The following PPFIA2 variants were observed in gnomAD, a reference collection of about 807,000 sequenced individuals.
PPFIA2 encodes liprin-alpha-2.
In PPFIA2, 46 loss-of-function variants were observed where a neutral mutation model predicts 175.5. The observed-to-expected ratio is 0.26, with a 90% CI of 0.21 to 0.34. The LOEUF (loss-of-function observed/expected upper bound fraction) is 0.34. Ranked by LOEUF, PPFIA2 falls within the 10% of genes least tolerant of loss-of-function variation. PPFIA2 has a pLI of 1.00. For missense variants in PPFIA2, 1,179 were observed against 1,506.1 expected (o/e 0.78, Z 3.60); for synonymous variants, 568 against 511.4 (o/e 1.11, Z -1.49).
At chr12:81,705,456 C>CAAAAAA (rs58602688) in intron 3 of PPFIA2, among the ~76,000 whole-genome samples, 3 of 55,630 alleles carry the variant, frequency 5.4e-5, no homozygotes, top group South Asian at 6.4e-4. Flanking sequence ...GACTAGGTCT[C>CAAAAAA]AAAAAAAAAA....
intron 4 of PPFIA2, among the ~76,000 whole-genome samples, chr12:81,531,811 A>C (rs978852207): frequency 6.6e-6 from 1 of 151,792 alleles, no homozygotes; most frequent in Non-Finnish European, 1.5e-5. Context: ...GACTGGAGGC[A>C]AAGAGATGAA....
intron 29 of PPFIA2, chr12:81,267,395 C>A (rs1359701816): frequency 9.1e-6 from 3 of 328,678 alleles, no homozygotes; most frequent in Admixed American, 4.6e-5. Flanking sequence ...TCAAACCTGG[C>A]CAATGATTAT....
At chr12:81,757,712 T>C (rs1240623224) in intron 2 of PPFIA2, among the ~76,000 whole-genome samples, 1 of 152,242 alleles carries the variant, frequency 6.6e-6, no homozygotes, top group Non-Finnish European at 1.5e-5. Flanking sequence ...AGATCCAATG[T>C]GTTCCTTAAC....
At chr12:81,650,935 G>A (rs1339807432) in intron 4 of PPFIA2, among the ~76,000 whole-genome samples, 7 of 152,140 alleles carry the variant, frequency 4.6e-5, no homozygotes, top group Non-Finnish European at 7.4e-5. Context: ...TAAATTCTAC[G>A]GAGAGGGCAA....
chr12:81,635,142 T>C (rs1339057575), intron 4 of PPFIA2, among the ~76,000 whole-genome samples: 1 of 152,214 alleles, frequency 6.6e-6, no homozygotes, highest in Non-Finnish European at 1.5e-5. Context: ...AATGTCCCCT[T>C]TCCTTCTAGA....
Position 81,661,992 on chromosome 12 carries a change from C to T in PPFIA2, c.303+14799G>A, listed in dbSNP as rs534967780. Among the ~76,000 whole-genome samples, 916 of 152,128 alleles carry T rather than the reference C, an allele frequency of 6.0e-3. 4 individuals carry two copies. The highest frequency in any genetic ancestry group is 0.01 in the Non-Finnish European group (680 of 67,986). On this transcript the variant is annotated intron_variant, in intron 4 of 32. Coordinates refer to ENST00000549396, the MANE Select transcript of PPFIA2 (RefSeq NM_003625.5). ...TGAAGGCACAAATAAAGATGTTCTT[C>T]GAAACCAACGAGAACAAAGACACAA...
At chr12:81,586,822 T>G (rs982056952) in intron 4 of PPFIA2, among the ~76,000 whole-genome samples, 1 of 151,888 alleles carries the variant, frequency 6.6e-6, no homozygotes, top group Non-Finnish European at 1.5e-5. Flanking sequence ...AACATTACAT[T>G]TCTCTAAATT....
At chr12:81,504,694 G>A (rs997781460) in intron 4 of PPFIA2, among the ~76,000 whole-genome samples, 4 of 152,082 alleles carry the variant, frequency 2.6e-5, no homozygotes. Context: ...CACATGTACA[G>A]CTATGTTTAT....
chr12:81,519,973 T>C (rs1280926898), intron 4 of PPFIA2, among the ~76,000 whole-genome samples: 8 of 152,206 alleles, frequency 5.3e-5, no homozygotes, highest in Non-Finnish European at 1.0e-4. Flanking sequence ...TATAACAACA[T>C]ACTCTAATAA....
chr12:81,600,712 ATC>A, intron 4 of PPFIA2, among the ~76,000 whole-genome samples: 1 of 152,072 alleles, frequency 6.6e-6, no homozygotes, highest in East Asian at 1.9e-4. Context: ...ACGTGTTAGG[ATC>A]TTACTTCCTC....
At chr12:81,340,542 T>G (rs1392663088) in intron 20 of PPFIA2, among the ~76,000 whole-genome samples, 1 of 152,106 alleles carries the variant, frequency 6.6e-6, no homozygotes, top group Non-Finnish European at 1.5e-5. Flanking sequence ...AAATGACATA[T>G]TTCTCCATCT....
rs118109827 is a variant in PPFIA2 at position 81,463,187 on chromosome 12, T to C, written c.304-5321A>G. Among the ~76,000 whole-genome samples the C allele has an allele frequency of 3.3e-3, 509 of 152,024 alleles. 3 individuals are homozygous for C. The highest frequency in any genetic ancestry group is 5.7e-3 in the Non-Finnish European group (386 of 67,902). ...CAGGTTAGATCTTTGTACAGCAACATGGAAAGATTTCAAAAATATAATTTT... is the reference window on the plus strand; with the variant it reads ...CAGGTTAGATCTTTGTACAGCAACACGGAAAGATTTCAAAAATATAATTTT... On this transcript the variant is annotated intron_variant, in intron 4 of 32. Coordinates refer to ENST00000549396, the MANE Select transcript of PPFIA2 (RefSeq NM_003625.5).
intron 4 of PPFIA2, among the ~76,000 whole-genome samples, chr12:81,576,804 T>C (rs2073636531): frequency 6.6e-6 from 1 of 151,828 alleles, no homozygotes; most frequent in Non-Finnish European, 1.5e-5. Context: ...AAACAAGTTA[T>C]TCAACTAGTA....
chr12:81,684,953 A>G (rs1038201139), intron 3 of PPFIA2, among the ~76,000 whole-genome samples: 1 of 152,098 alleles, frequency 6.6e-6, no homozygotes, highest in Non-Finnish European at 1.5e-5. Context: ...CAATGCTTCC[A>G]ATTAAAGGTC....
chr12:81,504,788 T>C (rs924099376), intron 4 of PPFIA2, among the ~76,000 whole-genome samples: 1 of 152,142 alleles, frequency 6.6e-6, no homozygotes, highest in Non-Finnish European at 1.5e-5. Flanking sequence ...ATGTGGCACA[T>C]ATATACCATG....
chr12:81,440,011 G>C lies in PPFIA2; in HGVS notation c.606C>G (p.Val202=). 1.2e-6 allele frequency: 2 copies of C among 1,602,002 alleles called. No individual in the cohort carries two copies. The highest frequency in any genetic ancestry group is 1.7e-6 in the Non-Finnish European group (2 of 1,175,604). Residue 202 remains valine, a synonymous_variant, in exon 7 of 33, where the codon GTC becomes GTG. Coordinates refer to ENST00000549396, the MANE Select transcript of PPFIA2 (RefSeq NM_003625.5). ...RERLRVSLER[V]SALEEELAAA... is the part of the protein sequence containing the mutation. ...CAGCTAGTTCTTCTTCCAGTGCAGA[G>C]ACTCTTTCTAAAGAAACCCTCAGTC...
At chr12:81,546,664 G>T (rs931424422) in intron 4 of PPFIA2, among the ~76,000 whole-genome samples, 1 of 151,558 alleles carries the variant, frequency 6.6e-6, no homozygotes, top group Non-Finnish European at 1.5e-5. Context: ...CACTATGCTT[G>T]GTCATGCCTG....
chr12:81,574,423 T>C (rs989420978), intron 4 of PPFIA2, among the ~76,000 whole-genome samples: 3 of 151,784 alleles, frequency 2.0e-5, no homozygotes, highest in Non-Finnish European at 4.4e-5. Flanking sequence ...TTGTATTTTT[T>C]TTAAAGAAAG....
At chr12:81,392,629 T>G (rs2142300630) in intron 8 of PPFIA2, among the ~76,000 whole-genome samples, 1 of 152,110 alleles carries the variant, frequency 6.6e-6, no homozygotes, top group South Asian at 2.1e-4. Context: ...TACCAAAATA[T>G]ATATTCCTAA....
Sources: allele counts gnomAD v4.1 joint callset (sites outside exome capture counted in the v4.1 genomes callset), GRCh38; gene constraint gnomAD v4.1.1; transcripts MANE v1.5; gene names NCBI Gene and HGNC (gene_info 2026-07-23, HGNC 2026-07-21).